ATP9A: variants seen among roughly 807,000 people sequenced by gnomAD.
ATP9A encodes probable phospholipid-transporting ATPase IIA.
In ATP9A, 52 loss-of-function variants were observed where a neutral mutation model predicts 144.1. That is an observed-to-expected ratio of 0.36 (90% confidence interval 0.29 to 0.45). ATP9A has a LOEUF of 0.45. ATP9A is among the 20% of genes least tolerant of loss of function. The pLI, the probability that ATP9A is intolerant of heterozygous loss-of-function variation, is 1.00. For missense variants in ATP9A, 947 were observed against 1,392.7 expected, an observed-to-expected ratio of 0.68 and a Z score of 5.09; for synonymous variants, 582 against 557.4, an observed-to-expected ratio of 1.04 and a Z score of -0.62.
rs973419393 is a variant in ATP9A, at chr20:51,692,947, C to G, written c.642+1061G>C. Among the ~76,000 whole-genome samples, 5 of 152,314 alleles carry G rather than the reference C, an allele frequency of 3.3e-5. No individual in the cohort carries two copies. The East Asian group carries it at 9.6e-4, about 29-fold the overall frequency. On this transcript the variant is annotated intron_variant, in intron 7 of 27. Transcript: ENST00000338821. ...CAATCCCGCCAAGACATGGAACTTT[C>G]CTCCTCCCTCAGGGGACACAGTAAG...
At chr20:51,636,203 T>TGAC (rs2077291600) in intron 15 of ATP9A, among the ~76,000 whole-genome samples, 1 of 152,006 alleles carries the variant, frequency 6.6e-6, no homozygotes, top group Admixed American at 6.6e-5. Context: ...GGTTCCTGAG[T>TGAC]GACTAGCAAG....
intron 27 of ATP9A, among the ~76,000 whole-genome samples, chr20:51,602,196 C>A (rs1346117429): frequency 6.6e-6 from 1 of 152,154 alleles, no homozygotes; most frequent in Non-Finnish European, 1.5e-5. Context: ...GCCTTTCCTG[C>A]TGCAGGATTA....
chr20:51,734,465 A>AC (rs2077754862), intron 1 of ATP9A: 1 of 152,076 alleles, frequency 6.6e-6, no homozygotes, highest in Non-Finnish European at 1.5e-5. Flanking sequence ...GAAATTCCTA[A>AC]CCCCCTCTAA....
At chr20:51,707,248 G>C (rs1268307977) in intron 4 of ATP9A, among the ~76,000 whole-genome samples, 1 of 152,116 alleles carries the variant, frequency 6.6e-6, no homozygotes, top group African/African-American at 2.4e-5. Flanking sequence ...ATGTTCATTT[G>C]CATTGGGTCC....
chr20:51,726,433 G>T (rs1481069417), intron 2 of ATP9A, among the ~76,000 whole-genome samples: 2 of 150,352 alleles, frequency 1.3e-5, no homozygotes, highest in African/African-American at 4.9e-5. Context: ...GGTAATAAAA[G>T]TATCATTTGT....
At chr20:51,682,574 T>A (rs12479981) in intron 9 of ATP9A, among the ~76,000 whole-genome samples, 1 of 136,656 alleles carries the variant, frequency 7.3e-6, no homozygotes, top group Admixed American at 8.0e-5. Context: ...CTTTTCACTG[T>A]ATCTTTTTTT....
intron 1 of ATP9A, among the ~76,000 whole-genome samples, chr20:51,743,396 A>ATTTTTTTT (rs769952209): frequency 0.26 from 23,045 of 89,410 alleles, 5,509 homozygotes; most frequent in African/African-American, 0.29. Flanking sequence ...ACCGAAACTG[A>ATTTTTTTT]TTTTTTTTTT....
chr20:51,633,952 C>T (rs146039457), intron 15 of ATP9A, among the ~76,000 whole-genome samples: 1 of 151,656 alleles, frequency 6.6e-6, no homozygotes, highest in Non-Finnish European at 1.5e-5. Context: ...AGTTTTGATC[C>T]CCCTCTTTAC....
At chr20:51,738,212 T>C (rs1357778159) in intron 1 of ATP9A, among the ~76,000 whole-genome samples, 3 of 151,982 alleles carry the variant, frequency 2.0e-5, no homozygotes, top group African/African-American at 7.2e-5. Context: ...GTATGTTTAG[T>C]ACAGACAGGG....
At chr20:51,621,992 TA>T in intron 19 of ATP9A, 81 bp downstream of exon 19, 1 of 1,248,546 alleles carries the variant, frequency 8.0e-7, no homozygotes, top group Non-Finnish European at 1.2e-6. Context: ...CCTCCCTTCT[TA>T]AGGGGCCCAC....
At chr20:51,709,383 T>C (rs572775640) in intron 4 of ATP9A, among the ~76,000 whole-genome samples, 12 of 152,120 alleles carry the variant, frequency 7.9e-5, no homozygotes, top group African/African-American at 2.4e-4. Flanking sequence ...GGCATGGTGG[T>C]GCACACCTGT....
At chr20:51,706,048 C>T (rs964279158) in intron 4 of ATP9A, among the ~76,000 whole-genome samples, 16 of 152,216 alleles carry the variant, frequency 1.1e-4, no homozygotes, top group Admixed American at 9.8e-4. Context: ...TATCCAAAAG[C>T]ACTACCCCAT....
chr20:51,627,809 G>T, intron 16 of ATP9A, 126 bp from the exon 17 acceptor site: 1 of 783,238 alleles, frequency 1.3e-6, no homozygotes, highest in Non-Finnish European at 2.1e-6. Flanking sequence ...TCAGAAAGTT[G>T]CTTTCCCCTA....
chr20:51,625,994 C>T (rs1164750944), intron 17 of ATP9A, among the ~76,000 whole-genome samples: 2 of 152,370 alleles, frequency 1.3e-5, no homozygotes, highest in African/African-American at 4.8e-5. Context: ...GCAGTTTCCC[C>T]GCATGGAGCA....
chr20:51,726,887 T>C (rs1193029133), intron 2 of ATP9A, among the ~76,000 whole-genome samples: 1 of 127,874 alleles, frequency 7.8e-6, no homozygotes, highest in African/African-American at 3.1e-5. Context: ...ACTGTGTTAT[T>C]TCTTTTTTTT....
chr20:51,764,899 T>G (rs1012894688), intron 1 of ATP9A, among the ~76,000 whole-genome samples: 17 of 152,040 alleles, frequency 1.1e-4, no homozygotes, highest in African/African-American at 4.1e-4. Flanking sequence ...TTTTGTATTT[T>G]TAGTAGAGAC....
At chr20:51,691,453 A>T (rs1159812625) in intron 7 of ATP9A, among the ~76,000 whole-genome samples, 1 of 152,236 alleles carries the variant, frequency 6.6e-6, no homozygotes, top group Non-Finnish European at 1.5e-5. Flanking sequence ...TGGGCGACAG[A>T]GCGAGACTCC....
At chr20:51,699,755 G>T (rs1208698032) in intron 4 of ATP9A, among the ~76,000 whole-genome samples, 6 of 151,884 alleles carry the variant, frequency 4.0e-5, no homozygotes, top group African/African-American at 1.5e-4. Context: ...CGATTCTTCT[G>T]CCTCAGCCTC....
chr20:51,690,594 G>T, intron 8 of ATP9A, 145 bp downstream of exon 8: 1 of 702,240 alleles, frequency 1.4e-6, no homozygotes, highest in South Asian at 1.8e-5. Flanking sequence ...GAAACAATAC[G>T]CTGGCTTTCA....
Sources: allele counts gnomAD v4.1 joint callset (sites outside exome capture counted in the v4.1 genomes callset), GRCh38; gene constraint gnomAD v4.1.1; transcripts MANE v1.5; gene names NCBI Gene and HGNC (gene_info 2026-07-23, HGNC 2026-07-21).